The following TBC1D5 variants were observed in gnomAD, a reference collection of about 807,000 sequenced individuals.
TBC1D5 encodes TBC1 domain family, member 5.
Under a neutral mutation model 100.3 loss-of-function variants are expected in TBC1D5, and 75 were observed. The observed-to-expected ratio is 0.75, with a 90% confidence interval of 0.62 to 0.91. TBC1D5 has a LOEUF of 0.91. Ranked by LOEUF, TBC1D5 falls within the 40% of genes least tolerant of loss-of-function variation. TBC1D5 has a pLI of 0.00. For missense variants in TBC1D5, 910 were observed against 942.4 expected, an observed-to-expected ratio of 0.97 and a Z score of 0.45; for synonymous variants, 323 against 325.6, an observed-to-expected ratio of 0.99 and a Z score of 0.09.
At chr3:17,464,673 C>T (rs186381403) in intron 3 of TBC1D5, among the ~76,000 whole-genome samples, 3 of 152,236 alleles carry the variant, frequency 2.0e-5, no homozygotes, top group Admixed American at 6.5e-5. Context: ...TTGACACTTA[C>T]GGTTTTCACC....
chr3:17,296,699 T>G (rs2082290671), intron 14 of TBC1D5, among the ~76,000 whole-genome samples: 1 of 152,266 alleles, frequency 6.6e-6, no homozygotes, highest in South Asian at 2.1e-4. Flanking sequence ...CTTCCTCAGT[T>G]GGCTTTGTGA....
Position 17,530,070 on chromosome 3 carries a change from C to G in TBC1D5, c.-35-21465G>C, listed in dbSNP as rs113943390. On this transcript the variant is annotated intron_variant, in intron 2 of 21. Coordinates refer to ENST00000253692, the Ensembl canonical transcript of TBC1D5. ...ACCAGTCTGGCGAACATAGTGAAAT[C>G]CCATCTCTACTAAAAATACAAAAAT... Among the ~76,000 whole-genome samples the G allele has an allele frequency of 5.3e-3, 805 of 151,990 alleles. 11 individuals carry two copies. Among genetic ancestry groups the G allele is most frequent in the African/African-American group, 0.019 (773 of 41,454 alleles).
chr3:17,427,731 C>G (rs1261991002), intron 4 of TBC1D5, among the ~76,000 whole-genome samples: 1 of 151,674 alleles, frequency 6.6e-6, no homozygotes, highest in Non-Finnish European at 1.5e-5. Flanking sequence ...GCACTTTTTT[C>G]CTAAAGAAAA....
intron 2 of TBC1D5, among the ~76,000 whole-genome samples, chr3:17,578,602 T>C (rs2096672300): frequency 6.6e-6 from 1 of 152,032 alleles, no homozygotes; most frequent in African/African-American, 2.4e-5. Context: ...GAAAATATCC[T>C]TGGCCTAATG....
chr3:17,419,537 G>A (rs1559846961), intron 4 of TBC1D5, among the ~76,000 whole-genome samples: 1 of 152,154 alleles, frequency 6.6e-6, no homozygotes, highest in East Asian at 1.9e-4. Flanking sequence ...GCTGAAGAGT[G>A]GAAAATGAAG....
chr3:17,368,548 C>T (rs924890691), intron 13 of TBC1D5, among the ~76,000 whole-genome samples: 1 of 152,028 alleles, frequency 6.6e-6, no homozygotes, highest in East Asian at 1.9e-4. Context: ...CTTGCTAACA[C>T]TTTTCCCCCA....
chr3:17,389,819 G>A (rs915151358), intron 8 of TBC1D5, among the ~76,000 whole-genome samples: 5 of 152,086 alleles, frequency 3.3e-5, no homozygotes, highest in African/African-American at 4.8e-5. Context: ...TAACATTAAT[G>A]TATCCCACTT....
intron 13 of TBC1D5, among the ~76,000 whole-genome samples, chr3:17,345,479 A>C (rs1291394579): frequency 6.6e-6 from 1 of 152,160 alleles, no homozygotes; most frequent in Non-Finnish European, 1.5e-5. Flanking sequence ...GTGGGACGGT[A>C]AACTAGTTCA....
chr3:17,545,631 T>C (rs549986153), intron 2 of TBC1D5, among the ~76,000 whole-genome samples: 19 of 152,320 alleles, frequency 1.2e-4, no homozygotes, highest in Non-Finnish European at 2.4e-4. Context: ...TAAGAAAACA[T>C]GAATATTCAT....
At chr3:17,177,418 G>T (rs1185901879) in intron 19 of TBC1D5, among the ~76,000 whole-genome samples, 2 of 152,216 alleles carry the variant, frequency 1.3e-5, no homozygotes, top group Non-Finnish European at 2.9e-5. Context: ...GGCTGAAAAA[G>T]AACTTCTGAA....
intron 2 of TBC1D5, among the ~76,000 whole-genome samples, chr3:17,611,093 GATA>G (rs768565394): frequency 1.3e-5 from 2 of 152,038 alleles, no homozygotes; most frequent in Admixed American, 6.6e-5. Context: ...AGTGAATAAT[GATA>G]ATGATGATGA....
chr3:17,200,319 TC>T (rs2071303450), intron 18 of TBC1D5, among the ~76,000 whole-genome samples: 1 of 152,244 alleles, frequency 6.6e-6, no homozygotes, highest in South Asian at 2.1e-4. Context: ...CAGTAGTTGT[TC>T]GCGGCCTGTT....
intron 1 of TBC1D5, among the ~76,000 whole-genome samples, chr3:17,674,659 C>A (rs1001260331): frequency 5.9e-5 from 9 of 152,060 alleles, no homozygotes; most frequent in Admixed American, 2.0e-4. Flanking sequence ...CATACAATAA[C>A]ATAATTATAC....
chr3:17,538,714 A>G (rs1208663318), intron 2 of TBC1D5, among the ~76,000 whole-genome samples: 1 of 152,182 alleles, frequency 6.6e-6, no homozygotes, highest in Non-Finnish European at 1.5e-5. Flanking sequence ...AGATTTTCCA[A>G]TTGGCAACTT....
intron 17 of TBC1D5, among the ~76,000 whole-genome samples, chr3:17,231,095 A>G (rs2075379430): frequency 6.6e-6 from 1 of 152,258 alleles, no homozygotes; most frequent in South Asian, 2.1e-4. Context: ...CCATGGATAC[A>G]GGGGGCTGAC....
At chr3:17,178,724 G>C (rs913480329) in intron 19 of TBC1D5, among the ~76,000 whole-genome samples, 1 of 152,012 alleles carries the variant, frequency 6.6e-6, no homozygotes, top group African/African-American at 2.4e-5. Context: ...ATGAGCATCC[G>C]CCACCTCCTG....
chr3:17,715,415 G>T (rs1022694064), intron 1 of TBC1D5, among the ~76,000 whole-genome samples: 3 of 152,026 alleles, frequency 2.0e-5, no homozygotes, highest in Non-Finnish European at 2.9e-5. Context: ...ATATACAGGG[G>T]GGCATATGCA....
At chr3:17,622,173 A>T (rs2062713602) in intron 2 of TBC1D5, among the ~76,000 whole-genome samples, 1 of 152,186 alleles carries the variant, frequency 6.6e-6, no homozygotes, top group Non-Finnish European at 1.5e-5. Context: ...CTCATAAGGA[A>T]TGAGCAATGT....
exon 10 of TBC1D5, chr3:17,376,607 G>T: frequency 6.2e-7 from 1 of 1,611,346 alleles, no homozygotes; most frequent in Admixed American, 1.7e-5. Context: ...AACAGTTCGT[G>T]CATGCCCTGA....
Sources: allele counts gnomAD v4.1 joint callset (sites outside exome capture counted in the v4.1 genomes callset), GRCh38; gene constraint gnomAD v4.1.1; transcripts MANE v1.5; gene names NCBI Gene and HGNC (gene_info 2026-07-23, HGNC 2026-07-21).